AHCYL2: variants seen among roughly 807,000 people sequenced by gnomAD.
The protein encoded by AHCYL2 is adenosylhomocysteinase like 2.
AHCYL2 carries 28 observed loss-of-function variants against 81.4 expected under a neutral mutation model. That is an observed-to-expected ratio of 0.34 (90% CI 0.25 to 0.47). AHCYL2 has a LOEUF of 0.47. Ranked by LOEUF, AHCYL2 falls within the 20% of genes least tolerant of loss-of-function variation. The pLI is 1.00. For missense variants in AHCYL2, 551 were observed against 785.1 expected, an observed-to-expected ratio of 0.70 and a Z score of 3.56; for synonymous variants, 272 against 290.2, an observed-to-expected ratio of 0.94 and a Z score of 0.64.
intron 1 of AHCYL2, among the ~76,000 whole-genome samples, chr7:129,327,703 A>ATCCACCCACCTTGGCC (rs1311706596): frequency 4.6e-5 from 7 of 152,112 alleles, no homozygotes; most frequent in Non-Finnish European, 8.8e-5. Flanking sequence ...TGACCCGGTG[A>ATCCACCCACCTTGGCC]TCCACCCACC....
intron 15 of AHCYL2, among the ~76,000 whole-genome samples, chr7:129,425,967 A>G (rs1797347572): frequency 1.3e-5 from 2 of 152,250 alleles, no homozygotes; most frequent in South Asian, 2.1e-4. Context: ...ACAGAAACCC[A>G]TAAGAATTAA....
At position 129,225,526 on chromosome 7, in the gene AHCYL2, G is replaced by T. The variant is rs1794179758; in HGVS notation, c.363+87G>T. 6 of 1,405,088 alleles carry T rather than the reference G, an allele frequency of 4.3e-6. No individual in the cohort carries two copies. The South Asian group carries it at 6.1e-5, about 14-fold the overall frequency. 87.0% of individuals were successfully genotyped at this position (1,405,088 alleles called of 1,614,324 possible). Reference sequence around the variant, plus strand: ...TCGGCACGGCGGCACCACCCTCCACGCCCTCCTTTCTGATCGCAGGACCGG... The same window carrying T: ...TCGGCACGGCGGCACCACCCTCCACTCCCTCCTTTCTGATCGCAGGACCGG... On this transcript the variant is annotated intron_variant, in intron 1 of 16. Coordinates refer to ENST00000325006, the MANE Select transcript of AHCYL2 (RefSeq NM_015328.4).
At chr7:129,394,522 A>ATCACAAC (rs1469147304) in intron 4 of AHCYL2, among the ~76,000 whole-genome samples, 1 of 131,262 alleles carries the variant, frequency 7.6e-6, no homozygotes, top group Non-Finnish European at 1.5e-5. Flanking sequence ...ATCTTGGCTC[A>ATCACAAC]CCACAACCTC....
chr7:129,225,252 G>T lies in AHCYL2; in HGVS notation c.176G>T (p.Arg59Leu). The T allele has an allele frequency of 1.4e-6, 2 of 1,461,610 alleles. No homozygotes were observed. Among genetic ancestry groups the T allele is most frequent in the Admixed American group, 2.6e-5 (1 of 37,990 alleles). The allele number at this position is 1,461,610 out of a possible 1,614,324, so 90.5% of individuals were successfully genotyped here. ...DPEAPAPAAE[R>L]PPVPGPGSGP... is the part of the protein sequence containing the mutation. ...GAGGCTCCAGCTCCCGCCGCGGAGCGGCCCCCGGTCCCCGGCCCGGGCTCG... is the reference window on the plus strand; with the variant it reads ...GAGGCTCCAGCTCCCGCCGCGGAGCTGCCCCCGGTCCCCGGCCCGGGCTCG... The change falls in exon 1 of 17, where the codon CGG becomes CTG. Residue 59 changes from arginine to leucine, a missense_variant. By Grantham distance (102) the Arg-to-Leu change is moderately radical. Coordinates refer to ENST00000325006, the MANE Select transcript of AHCYL2 (RefSeq NM_015328.4).
chr7:129,277,209 T>C (rs1796246866), intron 1 of AHCYL2, among the ~76,000 whole-genome samples: 1 of 151,928 alleles, frequency 6.6e-6, no homozygotes, highest in Non-Finnish European at 1.5e-5. Context: ...TTTTGACACA[T>C]GTCTAAAACC....
At chr7:129,355,259 C>G (rs961873487) in intron 1 of AHCYL2, among the ~76,000 whole-genome samples, 5 of 152,026 alleles carry the variant, frequency 3.3e-5, no homozygotes, top group African/African-American at 1.2e-4. Flanking sequence ...AAATTGTCCC[C>G]AGGTGTCATG....
intron 1 of AHCYL2, among the ~76,000 whole-genome samples, chr7:129,279,322 G>T (rs900976025): frequency 2.7e-5 from 4 of 150,674 alleles, no homozygotes; most frequent in African/African-American, 9.8e-5. Context: ...GCTAATTTTT[G>T]TATTTTTAAT....
At chr7:129,342,572 TAAC>T (rs1793221769) in intron 1 of AHCYL2, among the ~76,000 whole-genome samples, 1 of 152,212 alleles carries the variant, frequency 6.6e-6, no homozygotes, top group Non-Finnish European at 1.5e-5. Flanking sequence ...TTGAGGGACT[TAAC>T]AAGGGTTAAT....
chr7:129,282,710 A>T (rs550009255), intron 1 of AHCYL2, among the ~76,000 whole-genome samples: 1 of 151,640 alleles, frequency 6.6e-6, no homozygotes, highest in East Asian at 1.9e-4. Context: ...TTTTCTTTGC[A>T]TGTTTGATAA....
chr7:129,409,028 A>T (rs111229503), intron 10 of AHCYL2, among the ~76,000 whole-genome samples: 236 of 152,028 alleles, frequency 1.6e-3, no homozygotes, highest in African/African-American at 5.6e-3. Flanking sequence ...GTGCACTATG[A>T]TTATGCCTGT....
chr7:129,407,151 A>C (rs939788222), intron 10 of AHCYL2, among the ~76,000 whole-genome samples: 1 of 152,018 alleles, frequency 6.6e-6, no homozygotes, highest in Non-Finnish European at 1.5e-5. Context: ...GGAGTTCGAG[A>C]CCAGCCTTGG....
At chr7:129,316,706 C>T (rs997771678) in intron 1 of AHCYL2, among the ~76,000 whole-genome samples, 1 of 152,102 alleles carries the variant, frequency 6.6e-6, no homozygotes, top group Non-Finnish European at 1.5e-5. Flanking sequence ...AAATGACTGG[C>T]CATTATATGC....
intron 1 of AHCYL2, among the ~76,000 whole-genome samples, chr7:129,234,716 G>A (rs1028626527): frequency 6.6e-6 from 1 of 151,868 alleles, no homozygotes; most frequent in Non-Finnish European, 1.5e-5. Flanking sequence ...GGCTGGCCTC[G>A]AATTCCTCGC....
At chr7:129,243,741 C>T (rs1794947806) in intron 1 of AHCYL2, among the ~76,000 whole-genome samples, 1 of 151,708 alleles carries the variant, frequency 6.6e-6, no homozygotes, top group Admixed American at 6.6e-5. Context: ...ACCACCACGC[C>T]CAGCTAATTT....
chr7:129,319,737 C>T lies in AHCYL2; in HGVS notation c.364-59901C>T, dbSNP rs76240993. Among the ~76,000 whole-genome samples the T allele has an allele frequency of 5.1e-3, 777 of 152,296 alleles. 11 individuals carry two copies. Among genetic ancestry groups the T allele is most frequent in the African/African-American group, 0.018 (743 of 41,570 alleles). Reference sequence around the variant, plus strand: ...GCAAAATTATTTTGAGATTCATTCACGTTACAGCACGTATCAATAGTTCAT... The same window carrying T: ...GCAAAATTATTTTGAGATTCATTCATGTTACAGCACGTATCAATAGTTCAT... On this transcript the variant is annotated intron_variant, in intron 1 of 16. Transcript: ENST00000325006.
At chr7:129,362,676 AC>A (rs1486986292) in intron 1 of AHCYL2, among the ~76,000 whole-genome samples, 4 of 146,556 alleles carry the variant, frequency 2.7e-5, no homozygotes, top group Non-Finnish European at 4.5e-5. Context: ...ACTGGAAGGA[AC>A]CAGTTCTAAC....
chr7:129,271,891 A>G (rs764237706), intron 1 of AHCYL2, among the ~76,000 whole-genome samples: 1 of 152,204 alleles, frequency 6.6e-6, no homozygotes, highest in Non-Finnish European at 1.5e-5. Flanking sequence ...TGTTTTCAAG[A>G]TGGCTGATGT....
At chr7:129,242,529 A>T (rs1304579871) in intron 1 of AHCYL2, among the ~76,000 whole-genome samples, 1 of 152,066 alleles carries the variant, frequency 6.6e-6, no homozygotes, top group Admixed American at 6.6e-5. Context: ...CAGTCTGGCC[A>T]ATATAGTGAA....
At chr7:129,281,065 A>G (rs199986678) in intron 1 of AHCYL2, among the ~76,000 whole-genome samples, 2 of 151,786 alleles carry the variant, frequency 1.3e-5, no homozygotes, top group African/African-American at 2.4e-5. Flanking sequence ...GGGTTTCACC[A>G]TGTTAGCCAG....
Sources: gnomAD v4.1 joint callset for allele counts (sites outside exome capture counted in the v4.1 genomes callset) on GRCh38, gnomAD v4.1.1 for gene constraint, MANE v1.5 for transcripts, NCBI Gene and HGNC (gene_info 2026-07-23, HGNC 2026-07-21) for gene names.